Variants in FAM120C observed in about 807,000 individuals in gnomAD.
FAM120C encodes constitutive coactivator of PPAR-gamma-like protein 2.
In FAM120C, 14 loss-of-function variants were observed where a neutral mutation model predicts 71.2. The observed-to-expected ratio is 0.20, with a 90% CI of 0.13 to 0.31. The LOEUF is 0.31. Among genes scored for constraint, FAM120C ranks in the 10% least tolerant of loss-of-function variants. The pLI is 1.00. For synonymous variants in FAM120C, 354 were observed against 353.2 expected (o/e 1.00, Z -0.03); for missense variants, 500 against 879.0 (o/e 0.57, Z 5.45).
rs1414686512 is a variant in FAM120C at position 54,072,991 on chromosome X, G to GC, written c.*41_*42insG. 1.7e-6 allele frequency: 2 copies of GC among 1,167,340 alleles called. No homozygotes were observed. Among genetic ancestry groups the GC allele is most frequent in the Non-Finnish European group, 2.3e-6 (2 of 873,103 alleles). On this transcript the variant is annotated 3_prime_UTR_variant, in exon 16 of 16. Coordinates refer to ENST00000375180, the MANE Select transcript of FAM120C (RefSeq NM_017848.6). ...TGGGCCTAAAATCAGAAAAGTAAAA[G>GC]TTTTTCCCTCTTCCTGGTTTGGTGA... is the stretch of plus-strand genomic sequence containing the variant.
chrX:54,102,151 C>T (rs2066885691), intron 10 of FAM120C, among the ~76,000 whole-genome samples: 1 of 109,482 alleles, frequency 9.1e-6, no homozygotes, highest in South Asian at 4.0e-4. Context: ...CCTCCCACCT[C>T]GGCCTCCCAA....
At chrX:54,074,642 C>G (rs187397424) in intron 15 of FAM120C, among the ~76,000 whole-genome samples, 8 of 112,380 alleles carry the variant, frequency 7.1e-5, no homozygotes, top group African/African-American at 2.6e-4. Flanking sequence ...GTCTCGAATT[C>G]CCGACCTCAG....
chrX:54,135,699 A>C, intron 5 of FAM120C, 95 bp from the exon 6 acceptor site: 1 of 651,315 alleles, frequency 1.5e-6, no homozygotes, highest in South Asian at 2.9e-5. Context: ...AAGTGTTATT[A>C]ATAAATAAGT....
At chrX:54,090,289 T>A (rs782765171) in intron 11 of FAM120C, among the ~76,000 whole-genome samples, 1 of 108,239 alleles carries the variant, frequency 9.2e-6, no homozygotes, top group South Asian at 4.2e-4. Context: ...TGGAGTACAA[T>A]GGTGCAATCT....
Position 54,073,286 on chromosome X carries a change from C to A in FAM120C, c.3038G>T (p.Gly1013Val). 4.2e-6 allele frequency: 5 copies of A among 1,198,786 alleles called. No individual in the cohort carries two copies. The highest frequency in any genetic ancestry group is 5.6e-6 in the Non-Finnish European group (5 of 887,039). Residue 1013 changes from glycine to valine, a missense_variant and splice_region_variant, in exon 16 of 16, where the codon GGC becomes GTC. Coordinates refer to ENST00000375180, the MANE Select transcript of FAM120C (RefSeq NM_017848.6). ...SKGHKKGNKQ[G>V]SSDGVSKSLE... ...GGATTTAGAAACTCCATCTGAAGAG[C>A]CCTGTTAAAAACAGAGATACTCAGT...
intron 13 of FAM120C, among the ~76,000 whole-genome samples, chrX:54,083,159 C>T (rs1485514340): frequency 9.1e-6 from 1 of 109,533 alleles, no homozygotes; most frequent in Non-Finnish European, 1.9e-5. Flanking sequence ...CAATTGAAAA[C>T]CAGAACCAAG....
intron 4 of FAM120C, among the ~76,000 whole-genome samples, chrX:54,138,329 G>A (rs987318471): frequency 1.9e-5 from 2 of 107,619 alleles, no homozygotes; most frequent in South Asian, 8.2e-4. Flanking sequence ...ACAAAACCCC[G>A]TCTCTGCAAA....
chrX:54,129,225 G>A (rs1467079579), intron 9 of FAM120C, among the ~76,000 whole-genome samples: 2 of 109,425 alleles, frequency 1.8e-5, no homozygotes, highest in African/African-American at 3.3e-5. Flanking sequence ...CTTCCCAGAC[G>A]GGGTGGCTGC....
intron 1 of FAM120C, among the ~76,000 whole-genome samples, chrX:54,178,084 G>C (rs1340641663): frequency 3.6e-5 from 4 of 111,989 alleles, no homozygotes; most frequent in Non-Finnish European, 7.5e-5. Context: ...GAATAGGGAA[G>C]AAAGGAGATA....
At chrX:54,117,371 A>C (rs782755123) in intron 9 of FAM120C, among the ~76,000 whole-genome samples, 29 of 94,766 alleles carry the variant, frequency 3.1e-4, no homozygotes, top group African/African-American at 1.1e-3. Context: ...AAATAAAATA[A>C]AATAAAATAA....
chrX:54,116,888 C>T, intron 9 of FAM120C, 94 bp from the exon 10 acceptor site: 1 of 1,011,169 alleles, frequency 9.9e-7, no homozygotes, highest in Non-Finnish European at 1.3e-6. Context: ...CATTGCATTT[C>T]AACTCTTAAT....
chrX:54,144,631 G>A (rs137945267), intron 4 of FAM120C, among the ~76,000 whole-genome samples: 8,177 of 110,779 alleles, frequency 0.074, 355 homozygotes, highest in Non-Finnish European at 0.12. Flanking sequence ...CCTCTTCAAG[G>A]AGAACTACAA....
At chrX:54,096,635 C>G (rs1417513249) in intron 10 of FAM120C, among the ~76,000 whole-genome samples, 1 of 111,331 alleles carries the variant, frequency 9.0e-6, no homozygotes, top group Admixed American at 9.7e-5. Flanking sequence ...TGATTAATGA[C>G]TGCATGTTCA....
intron 1 of FAM120C, among the ~76,000 whole-genome samples, chrX:54,175,900 T>A (rs1253064799): frequency 1.8e-5 from 2 of 111,794 alleles, no homozygotes; most frequent in South Asian, 3.7e-4. Context: ...CTCCAAGGCC[T>A]GTGTTGTCAG....
intron 4 of FAM120C, among the ~76,000 whole-genome samples, chrX:54,139,329 T>TTTATTTATTTATTTA (rs2067111129): frequency 3.4e-5 from 3 of 88,975 alleles, no homozygotes; most frequent in South Asian, 6.0e-4. Flanking sequence ...TTTTTTTTGC[T>TTTATTTATTTATTTA]TTTATTTATT....
chrX:54,177,099 A>G (rs1425346149), intron 1 of FAM120C, among the ~76,000 whole-genome samples: 6 of 111,418 alleles, frequency 5.4e-5, no homozygotes, highest in Non-Finnish European at 7.5e-5. Context: ...GAAAATATAG[A>G]ATGGTTGGAA....
intron 15 of FAM120C, among the ~76,000 whole-genome samples, chrX:54,075,018 C>T (rs1486623267): frequency 1.8e-5 from 2 of 111,063 alleles, no homozygotes; most frequent in Admixed American, 9.7e-5. Flanking sequence ...ATTAGCTGGG[C>T]GTGGTGGCAT....
intron 5 of FAM120C, 25 bp from the exon 6 acceptor site, chrX:54,135,629 C>T (rs782724959): frequency 4.4e-6 from 5 of 1,144,346 alleles, no homozygotes; most frequent in Non-Finnish European, 3.6e-6. Flanking sequence ...AAGAGCTATA[C>T]TTCAGTCAAT....
At chrX:54,095,299 G>A (rs2066845047) in intron 10 of FAM120C, among the ~76,000 whole-genome samples, 1 of 108,125 alleles carries the variant, frequency 9.2e-6, no homozygotes, top group Non-Finnish European at 1.9e-5. Context: ...CAGCACCATA[G>A]TGACTTAAAT....
Sources: allele counts gnomAD v4.1 joint callset (sites outside exome capture counted in the v4.1 genomes callset), GRCh38; gene constraint gnomAD v4.1.1; transcripts MANE v1.5; gene names NCBI Gene and HGNC (gene_info 2026-07-23, HGNC 2026-07-21).